The following FHIT variants were observed in gnomAD, a reference collection of about 807,000 sequenced individuals.
FHIT encodes bis(5'-adenosyl)-triphosphatase.
Under a neutral mutation model 17.9 loss-of-function variants are expected in FHIT, and 19 were observed. The ratio of observed to expected loss-of-function variants is 1.06; its 90% CI spans 0.74 to 1.56. The LOEUF is 1.56. Among genes scored for constraint, FHIT ranks in the 40% most tolerant of loss-of-function variants. FHIT has a pLI of 0.00. For synonymous variants in FHIT, 81 were observed against 69.7 expected (o/e 1.16, Z -0.81); for missense variants, 248 against 189.2 (o/e 1.31, Z -1.82).
At chr3:60,293,781 C>G (rs1341698188) in intron 5 of FHIT, among the ~76,000 whole-genome samples, 1 of 152,082 alleles carries the variant, frequency 6.6e-6, no homozygotes, top group African/African-American at 2.4e-5. Flanking sequence ...TAAGGGCTCA[C>G]AAAATGTACT....
At chr3:60,382,196 A>G (rs1211356505) in intron 5 of FHIT, among the ~76,000 whole-genome samples, 1 of 152,238 alleles carries the variant, frequency 6.6e-6, no homozygotes, top group African/African-American at 2.4e-5. Flanking sequence ...TGGAGTAGAA[A>G]AAAAGTACAG....
chr3:60,895,718 CTTTCTTTCTTTCT>C (rs1705772163), intron 3 of FHIT, among the ~76,000 whole-genome samples: 3 of 112,426 alleles, frequency 2.7e-5, no homozygotes, highest in African/African-American at 9.5e-5. Flanking sequence ...TTCTTTCTTT[CTTTCTTTCTTTCT>C]TTCTTCTTTC....
At chr3:61,034,622 T>C (rs113876463) in intron 3 of FHIT, among the ~76,000 whole-genome samples, 1 of 152,070 alleles carries the variant, frequency 6.6e-6, no homozygotes, top group East Asian at 1.9e-4. Context: ...TTTTCTTTAA[T>C]GGAAAATAAC....
At chr3:61,182,657 C>A (rs567524859) in intron 2 of FHIT, among the ~76,000 whole-genome samples, 68 of 152,122 alleles carry the variant, frequency 4.5e-4, no homozygotes, top group Non-Finnish European at 7.8e-4. Context: ...ACCCCTCCAT[C>A]CTGTCCTATT....
At chr3:60,744,252 A>AAC (rs1559687960) in intron 4 of FHIT, among the ~76,000 whole-genome samples, 12 of 67,696 alleles carry the variant, frequency 1.8e-4, no homozygotes, top group African/African-American at 6.8e-4. Context: ...AATGTAAAAA[A>AAC]AAAAACAAAA....
In FHIT at chr3:59,955,293, G is replaced by A. The variant is rs114591463; in HGVS notation, c.280-32879C>T. 4.3e-3 allele frequency among the ~76,000 whole-genome samples: 662 copies of A among 152,226 alleles called. 3 individuals are homozygous for A. Among genetic ancestry groups the A allele is most frequent in the African/African-American group, 0.015 (615 of 41,542 alleles). On this transcript the variant is annotated intron_variant, in intron 7 of 9. Transcript: ENST00000492590. ...GGCTGCTCCTTCCCCAAAACACCCC[G>A]GCACCGGCTCCTGGGATAGCCTTCT... is the stretch of plus-strand genomic sequence containing the variant.
intron 5 of FHIT, among the ~76,000 whole-genome samples, chr3:60,500,008 A>T (rs914501149): frequency 3.3e-5 from 5 of 151,708 alleles, no homozygotes; most frequent in Admixed American, 3.3e-4. Flanking sequence ...TCGTTATCTG[A>T]CTATTCATTA....
chr3:60,729,137 G>A (rs755809722), intron 4 of FHIT, among the ~76,000 whole-genome samples: 6 of 152,162 alleles, frequency 3.9e-5, no homozygotes, highest in Non-Finnish European at 5.9e-5. Flanking sequence ...CGAAGGCCAC[G>A]GATCAAAAAT....
At chr3:59,938,191 T>C (rs1375478409) in intron 7 of FHIT, among the ~76,000 whole-genome samples, 1 of 152,172 alleles carries the variant, frequency 6.6e-6, no homozygotes, top group African/African-American at 2.4e-5. Context: ...AAATGGTATA[T>C]AATAAATACA....
chr3:60,832,090 G>A (rs1411751204), intron 3 of FHIT, among the ~76,000 whole-genome samples: 2 of 151,932 alleles, frequency 1.3e-5, no homozygotes, highest in Non-Finnish European at 2.9e-5. Context: ...ATAATAGGCA[G>A]CATTTATATA....
chr3:60,366,068 G>A (rs1242876633), intron 5 of FHIT, among the ~76,000 whole-genome samples: 2 of 152,176 alleles, frequency 1.3e-5, no homozygotes, highest in Non-Finnish European at 2.9e-5. Context: ...AATGGGTATT[G>A]CTTTGCATGA....
intron 2 of FHIT, among the ~76,000 whole-genome samples, chr3:61,190,146 C>A (rs1042979863): frequency 3.9e-5 from 6 of 152,132 alleles, no homozygotes; most frequent in African/African-American, 1.2e-4. Context: ...AGTGAACAGG[C>A]AACCTACAGA....
At position 61,192,138 on chromosome 3, in the gene FHIT, C is replaced by A. The variant is rs537268199; in HGVS notation, c.-164+8479G>T. Among the ~76,000 whole-genome samples the A allele has an allele frequency of 1.1e-4, 17 of 152,250 alleles. No homozygotes were observed. The South Asian group carries it at 3.1e-3, about 28-fold the overall frequency. On this transcript the variant is annotated intron_variant, in intron 2 of 9. Transcript: ENST00000492590. ...AAGGCAGCCAGTCTAAGAACTAAGT[C>A]AACACACTGAAGATGGCACAGGAAA...
intron 8 of FHIT, among the ~76,000 whole-genome samples, chr3:59,855,973 T>G (rs955663419): frequency 1.4e-4 from 21 of 152,050 alleles, no homozygotes; most frequent in East Asian, 1.4e-3. Context: ...AGTAGAGACG[T>G]GGTTTCACTG....
chr3:60,411,652 G>A (rs1702065016), intron 5 of FHIT, among the ~76,000 whole-genome samples: 1 of 152,076 alleles, frequency 6.6e-6, no homozygotes, highest in Non-Finnish European at 1.5e-5. Flanking sequence ...TTTTGTGATT[G>A]GCAGGGTAAA....
At chr3:60,423,791 G>A (rs1166589910) in intron 5 of FHIT, among the ~76,000 whole-genome samples, 3 of 152,054 alleles carry the variant, frequency 2.0e-5, no homozygotes, top group African/African-American at 7.2e-5. Context: ...GGCTTTTCAG[G>A]GCAGGATGAG....
intron 4 of FHIT, among the ~76,000 whole-genome samples, chr3:60,687,969 C>CT (rs560124953): frequency 1.4e-4 from 21 of 148,942 alleles, no homozygotes; most frequent in South Asian, 4.3e-4. Context: ...GCCAAGATTA[C>CT]TTTTTTTTTT....
intron 7 of FHIT, among the ~76,000 whole-genome samples, chr3:59,964,743 C>T (rs1430385678): frequency 1.3e-5 from 2 of 152,074 alleles, no homozygotes; most frequent in Non-Finnish European, 2.9e-5. Context: ...TGATGCTGCA[C>T]ATAAATCTTA....
At chr3:60,113,672 C>G (rs1421910079) in intron 5 of FHIT, among the ~76,000 whole-genome samples, 4 of 151,602 alleles carry the variant, frequency 2.6e-5, no homozygotes, top group African/African-American at 9.7e-5. Flanking sequence ...GTACTTAACA[C>G]TTCTCAACTG....
Sources: allele counts gnomAD v4.1 joint callset (sites outside exome capture counted in the v4.1 genomes callset), GRCh38; gene constraint gnomAD v4.1.1; transcripts MANE v1.5; gene names NCBI Gene and HGNC (gene_info 2026-07-23, HGNC 2026-07-21).